Variants in KLHDC1 observed in about 807,000 individuals in gnomAD.
The protein encoded by KLHDC1 is kelch domain containing 1, also known as kelch domain-containing protein 1.
KLHDC1 carries 53 observed loss-of-function variants against 68.3 expected under a neutral mutation model. That is an observed-to-expected ratio of 0.78 (90% CI 0.62 to 0.98). The LOEUF (loss-of-function observed/expected upper bound fraction) is 0.98. Ranked by LOEUF, KLHDC1 falls within the 50% of genes least tolerant of loss-of-function variation. The probability of loss-of-function intolerance (pLI) is 0.00; values close to 1 mark genes in which losing one functional copy is unlikely to be tolerated. For missense variants in KLHDC1, 470 were observed against 492.3 expected, an observed-to-expected ratio of 0.95 and a Z score of 0.43; for synonymous variants, 148 against 159.0, an observed-to-expected ratio of 0.93 and a Z score of 0.52.
chr14:49,719,091 T>C (rs1486266948), intron 4 of KLHDC1, among the ~76,000 whole-genome samples: 1 of 152,082 alleles, frequency 6.6e-6, no homozygotes, highest in Non-Finnish European at 1.5e-5. Context: ...GTTGTTTTTC[T>C]TGATTGTTTT....
At chr14:49,711,693 A>G (rs560879763) in intron 4 of KLHDC1, among the ~76,000 whole-genome samples, 3 of 151,494 alleles carry the variant, frequency 2.0e-5, no homozygotes, top group African/African-American at 7.3e-5. Flanking sequence ...CTGGCCATCA[A>G]CTCTGTTATT....
In KLHDC1 at chr14:49,693,190, C is replaced by T. The variant is rs1427988821; in HGVS notation, c.-5C>T. On this transcript the variant is annotated 5_prime_UTR_variant, in exon 1 of 13. Coordinates refer to ENST00000359332, the MANE Select transcript of KLHDC1 (RefSeq NM_172193.3). ...GCGGCAAGCGGCGGGCCAGCGACGG[C>T]GCGAATGGCGGACTCTCAGCTGTTC... 2.5e-6 allele frequency: 4 copies of T among 1,578,450 alleles called. No individual in the cohort carries two copies. Among genetic ancestry groups the T allele is most frequent in the African/African-American group, 1.4e-5 (1 of 70,930 alleles).
intron 1 of KLHDC1, among the ~76,000 whole-genome samples, chr14:49,699,640 A>G (rs1887844675): frequency 6.6e-6 from 1 of 152,204 alleles, no homozygotes; most frequent in Non-Finnish European, 1.5e-5. Context: ...ATTAAAATGG[A>G]CAAACATATG....
chr14:49,708,320 T>C, intron 1 of KLHDC1: 1 of 152,290 alleles, frequency 6.6e-6, no homozygotes, highest in Non-Finnish European at 1.5e-5. Context: ...GTCATCCACC[T>C]GCCTCAGCCT....
chr14:49,740,997 G>A lies in KLHDC1; in HGVS notation c.981+815G>A, dbSNP rs548889801. On this transcript the variant is annotated intron_variant, in intron 11 of 12. Transcript: ENST00000359332. ...TAGTCCCAGCTACTTAGGAGGCTGA[G>A]GCACGAGAATCACTTGAACCCAGGA... Among the ~76,000 whole-genome samples, 25 of 152,184 alleles carry A rather than the reference G, an allele frequency of 1.6e-4. No individual in the cohort carries two copies. In the East Asian group the frequency reaches 4.9e-3, roughly 30 times the overall value.
At chr14:49,723,543 A>G (rs1277356721) in intron 4 of KLHDC1, among the ~76,000 whole-genome samples, 1 of 152,180 alleles carries the variant, frequency 6.6e-6, no homozygotes, top group Admixed American at 6.5e-5. Context: ...GTCTCAAAAA[A>G]TAAATTAAAA....
chr14:49,699,871 T>C (rs1382520517), intron 1 of KLHDC1, among the ~76,000 whole-genome samples: 1 of 152,184 alleles, frequency 6.6e-6, no homozygotes, highest in Admixed American at 6.6e-5. Flanking sequence ...TTGGTGCTAC[T>C]GCAAGGAACA....
chr14:49,709,837 C>T lies in KLHDC1; in HGVS notation c.285+11C>T. ...GGATACAGCAATCGAGTAATAATTT[C>T]TTTAATTCAAGAGTGCAGCAAAATG... On this transcript the variant is annotated intron_variant, in intron 3 of 12. Transcript: ENST00000359332. The T allele has an allele frequency of 7.0e-7, 1 of 1,421,810 alleles. No individual in the cohort carries two copies. The highest frequency in any genetic ancestry group is 1.3e-5 in the South Asian group (1 of 79,240). The allele number at this position is 1,421,810 out of a possible 1,614,324, so 88.1% of individuals were successfully genotyped here.
At chr14:49,727,063 G>A (rs1297197163) in intron 6 of KLHDC1, among the ~76,000 whole-genome samples, 1 of 152,102 alleles carries the variant, frequency 6.6e-6, no homozygotes, top group Admixed American at 6.6e-5. Flanking sequence ...TGGGCAACAT[G>A]GTGAAACCCT....
chr14:49,695,287 C>T (rs1566590403), intron 1 of KLHDC1, among the ~76,000 whole-genome samples: 1 of 152,000 alleles, frequency 6.6e-6, no homozygotes. Context: ...CGTGAGCCAC[C>T]GTGCCCAGCC....
At chr14:49,738,407 C>T (rs1356661216) in intron 10 of KLHDC1, among the ~76,000 whole-genome samples, 3 of 146,864 alleles carry the variant, frequency 2.0e-5, no homozygotes, top group South Asian at 2.1e-4. Context: ...GGTGTGATGT[C>T]GGCTCACTGC....
At chr14:49,710,231 C>A (rs747168232) in intron 3 of KLHDC1, 32 bp from the exon 4 acceptor site, 5 of 1,119,620 alleles carry the variant, frequency 4.5e-6, no homozygotes, top group Non-Finnish European at 6.8e-6. Context: ...TTTAAATGCC[C>A]TGTCTGCTAA....
rs545931385 is a variant in KLHDC1 at position 49,725,869 on chromosome 14, A to T, written c.567+100A>T. On this transcript the variant is annotated intron_variant, in intron 6 of 12. Coordinates refer to ENST00000359332, the MANE Select transcript of KLHDC1 (RefSeq NM_172193.3). ...TTTTGTTTTGTTTTGTGTTTTTGAG[A>T]CAAAGTCTTGCTCTGTTGCCCAGGC... 3.3e-5 allele frequency: 21 copies of T among 641,286 alleles called. 1 individual carries two copies. The African/African-American group carries it at 3.7e-4, about 11-fold the overall frequency. 39.7% of individuals were successfully genotyped at this position (641,286 alleles called of 1,614,324 possible).
chr14:49,725,293 A>G (rs922340413), intron 5 of KLHDC1, among the ~76,000 whole-genome samples: 2 of 152,276 alleles, frequency 1.3e-5, no homozygotes, highest in Non-Finnish European at 2.9e-5. Context: ...GGGAACAGGA[A>G]CCATGACCCA....
At chr14:49,710,240 A>G (rs776681038) in intron 3 of KLHDC1, 23 bp from the exon 4 acceptor site, 28 of 1,218,298 alleles carry the variant, frequency 2.3e-5, no homozygotes, top group African/African-American at 4.5e-5. Context: ...CCTGTCTGCT[A>G]ATAGTGTTCT....
chr14:49,693,282 G>A lies in KLHDC1; in HGVS notation c.88G>A (p.Gly30Ser), dbSNP rs200915752. ...CGGAAACTTCCTCTACGTGTGGGGG[G>A]GCTACGTGGTAAGGGGAAGAGGCGG... ...VDGNFLYVWG[G>S]YVSIEDNEVY... Residue 30 changes from glycine to serine, a missense_variant, in exon 1 of 13, where the codon GGC (glycine) becomes AGC (serine). Transcript: ENST00000359332. The A allele has an allele frequency of 3.2e-6, 5 of 1,550,134 alleles. No individual in the cohort carries two copies. Among genetic ancestry groups the A allele is most frequent in the South Asian group, 2.4e-5 (2 of 84,572 alleles).
intron 8 of KLHDC1, among the ~76,000 whole-genome samples, chr14:49,731,731 G>T (rs1009519044): frequency 6.6e-6 from 1 of 152,074 alleles, no homozygotes; most frequent in African/African-American, 2.4e-5. Context: ...TGTTTTAAGA[G>T]ACAATGTCTC....
chr14:49,701,436 G>A (rs1477984522), intron 1 of KLHDC1, among the ~76,000 whole-genome samples: 1 of 152,140 alleles, frequency 6.6e-6, no homozygotes, highest in Non-Finnish European at 1.5e-5. Context: ...AAAGTGGATG[G>A]ATCAACTGAC....
chr14:49,710,397 C>T lies in KLHDC1; in HGVS notation c.404+16C>T, dbSNP rs1038418029. On this transcript the variant is annotated intron_variant, in intron 4 of 12. Coordinates refer to ENST00000359332, the MANE Select transcript of KLHDC1 (RefSeq NM_172193.3). ...ATAAAGACAGGTAATGCAGCAGTTG[C>T]ACTTAATGCATTATGTCTACCTAAG... The T allele has an allele frequency of 1.6e-6, 2 of 1,237,316 alleles. No homozygotes were observed. Among genetic ancestry groups the T allele is most frequent in the East Asian group, 2.3e-5 (1 of 43,020 alleles). 76.6% of individuals were successfully genotyped at this position (1,237,316 alleles called of 1,614,324 possible).
Sources: gnomAD v4.1 joint callset for allele counts (sites outside exome capture counted in the v4.1 genomes callset) on GRCh38, gnomAD v4.1.1 for gene constraint, MANE v1.5 for transcripts, NCBI Gene and HGNC (gene_info 2026-07-23, HGNC 2026-07-21) for gene names.